PKHD1L1: variants seen among roughly 807,000 people sequenced by gnomAD.
PKHD1L1 encodes the protein PKHD1 like 1, also known as fibrocystin-L.
PKHD1L1 carries 434 observed loss-of-function variants against 462.9 expected under a neutral mutation model. The observed-to-expected ratio is 0.94, with a 90% CI of 0.87 to 1.02. PKHD1L1 has a LOEUF of 1.02. PKHD1L1 is among the 50% of genes least tolerant of loss of function. PKHD1L1 has a pLI of 0.00. For missense variants in PKHD1L1, 5,202 were observed against 5,096.1 expected (o/e 1.02, Z -0.63); for synonymous variants, 1,781 against 1,750.0 (o/e 1.02, Z -0.44).
At chr8:109,366,886 G>T (rs1287709701) in intron 2 of PKHD1L1, among the ~76,000 whole-genome samples, 2 of 151,942 alleles carry the variant, frequency 1.3e-5, no homozygotes, top group African/African-American at 2.4e-5. Flanking sequence ...TAGAGATGGG[G>T]TTTCACTATG....
At position 109,385,636 on chromosome 8, in the gene PKHD1L1, C is replaced by A; in HGVS notation, c.569+6C>A. On this transcript the variant is annotated splice_donor_region_variant and intron_variant, in intron 6 of 77. Transcript: ENST00000378402. ...AAAAATGTTAGGATTTTGAGGTAAT[C>A]TTTTGATGTGGAAATATATTCTTAT... is the stretch of plus-strand genomic sequence containing the variant. 2.0e-6 allele frequency: 3 copies of A among 1,521,100 alleles called. No homozygotes were observed. The highest frequency in any genetic ancestry group is 4.6e-5 in the East Asian group (2 of 43,744). 94.2% of individuals were successfully genotyped at this position (1,521,100 alleles called of 1,614,324 possible). A position where few individuals can be genotyped will look rare whatever the true frequency, so the allele number is the denominator to read the frequency against.
At chr8:109,362,803 T>C (rs1315701590) in intron 1 of PKHD1L1, 150 bp downstream of exon 1, 2 of 771,864 alleles carry the variant, frequency 2.6e-6, no homozygotes, top group Admixed American at 2.3e-5. Flanking sequence ...CCAGGGGAGC[T>C]GGATAGCAGG....
rs766739272 is a variant in PKHD1L1 at position 109,451,076 on chromosome 8, A to C, written c.6277A>C (p.Ile2093Leu). ...GTACGCAGTGTCACTGACTCCACTC[A>C]TCACTGCAGTATCTCCTAAGAGAGG... Reference protein sequence around the residue: ...FTYAVSLTPLITAVSPKRGST... With the variant: ...FTYAVSLTPLLTAVSPKRGST... Residue 2093 changes from isoleucine (I) to leucine (L), a missense_variant, in exon 41 of 78, where the codon ATC (isoleucine) becomes CTC (leucine). Around this residue, in one of 3 missense-constraint regions of PKHD1L1, gnomAD observed 4,497 missense variants for 4,336.8 expected, o/e 1.04. Transcript: ENST00000378402. The C allele has an allele frequency of 3.7e-6, 6 of 1,613,796 alleles. No individual in the cohort carries two copies. The South Asian group carries it at 6.6e-5, about 18-fold the overall frequency.
At chr8:109,364,750 T>G in intron 2 of PKHD1L1, 114 bp downstream of exon 2, 2 of 712,618 alleles carry the variant, frequency 2.8e-6, no homozygotes, top group Non-Finnish European at 4.6e-6. Context: ...AGTTATTTCT[T>G]CACTTGGCCA....
rs767395151 is a variant in PKHD1L1, at chr8:109,464,333, A to T, written c.7501A>T (p.Arg2501Ter). Residue 2501 changes from arginine (R) to a stop codon, truncating the protein, a stop_gained, in exon 49 of 78, where the codon AGA becomes TGA. Transcript: ENST00000378402. LOFTEE classifies it high-confidence loss of function. ...CTGTGCAATTCACCAGGCCTATAAC[A>T]GAGCTGTTACTATTCATAACACACA... ...RGCAIHQAYN[R>*]AVTIHNTHHL... 2.9e-5 allele frequency: 46 copies of T among 1,613,294 alleles called. No homozygotes were observed. Among genetic ancestry groups the T allele is most frequent in the Non-Finnish European group, 3.8e-5 (45 of 1,179,602 alleles).
chr8:109,411,300 A>G (rs1303894648), intron 19 of PKHD1L1, among the ~76,000 whole-genome samples: 1 of 152,156 alleles, frequency 6.6e-6, no homozygotes, highest in Admixed American at 6.5e-5. Context: ...GCTATTTGCT[A>G]TTTCCAAGTG....
intron 76 of PKHD1L1, among the ~76,000 whole-genome samples, chr8:109,524,187 A>C (rs1425798920): frequency 6.6e-6 from 1 of 152,130 alleles, no homozygotes. Flanking sequence ...TGTTTGTCCC[A>C]ACTCAGGGCC....
Position 109,491,868 on chromosome 8 carries a change from A to C in PKHD1L1, c.10115-5A>C. The C allele has an allele frequency of 6.3e-7, 1 of 1,578,276 alleles. No individual in the cohort carries two copies. The highest frequency in any genetic ancestry group is 8.6e-7 in the Non-Finnish European group (1 of 1,158,718). On this transcript the variant is annotated splice_polypyrimidine_tract_variant and splice_region_variant and intron_variant, in intron 61 of 77. Transcript: ENST00000378402. ...TTTTCTTTCTTTTTTTCTTTTTTTA[A>C]ACAGGCATAAGAATATGGGGGAATG... is the stretch of plus-strand genomic sequence containing the variant.
chr8:109,459,082 G>C (rs1016993855), intron 46 of PKHD1L1, among the ~76,000 whole-genome samples: 3 of 152,036 alleles, frequency 2.0e-5, no homozygotes, highest in African/African-American at 7.2e-5. Flanking sequence ...ACTCTCCCTT[G>C]TAAAGGTTCT....
Position 109,444,885 on chromosome 8 carries a change from AG to A in PKHD1L1, c.5018del (p.Gly1673GlufsTer2). On this transcript the variant is annotated frameshift_variant, in exon 38 of 78. Transcript: ENST00000378402. LOFTEE classifies it high-confidence loss of function. ...TGTTGCCAAATGCAGGATCAACTAC[AG>A]GAATGACAAGCGTGACCATAAAAGG... ...LVLPNAGSTT[G>X]MTSVTIKGSG... 6.2e-7 allele frequency: 1 copy of A among 1,614,066 alleles called. No homozygotes were observed. Among genetic ancestry groups the A allele is most frequent in the African/African-American group, 1.3e-5 (1 of 75,072 alleles).
rs1410584461 is a variant in PKHD1L1 at position 109,454,199 on chromosome 8, G to A, written c.6697G>A (p.Glu2233Lys). Residue 2233 changes from glutamate (E) to lysine (K), a missense_variant, in exon 44 of 78, where the codon GAA becomes AAA. Coordinates refer to ENST00000378402, the MANE Select transcript of PKHD1L1 (RefSeq NM_177531.6). ...TCTAATATTTGATGAAGCTGACATT[G>A]AACTCCAGGCAGAAAATATTCTAAT... Reference protein sequence around the residue: ...GTLIFDEADIELQAENILITD... With the variant: ...GTLIFDEADIKLQAENILITD... The A allele has an allele frequency of 6.2e-7, 1 of 1,608,380 alleles. No individual in the cohort carries two copies. Among genetic ancestry groups the A allele is most frequent in the South Asian group, 1.1e-5 (1 of 89,658 alleles).
At chr8:109,410,752 C>T (rs1199331636) in intron 19 of PKHD1L1, among the ~76,000 whole-genome samples, 4 of 40,376 alleles carry the variant, frequency 9.9e-5, no homozygotes, top group East Asian at 1.0e-3. Flanking sequence ...TTTTTTGAGA[C>T]GGAGTCTCAC....
At chr8:109,387,623 G>A (rs1023467950) in intron 6 of PKHD1L1, among the ~76,000 whole-genome samples, 1 of 152,172 alleles carries the variant, frequency 6.6e-6, no homozygotes, top group African/African-American at 2.4e-5. Flanking sequence ...AAGGCAGGAG[G>A]TTAGGAGAAT....
chr8:109,511,544 A>C (rs1314869316), intron 71 of PKHD1L1, among the ~76,000 whole-genome samples: 1 of 151,772 alleles, frequency 6.6e-6, no homozygotes, highest in Non-Finnish European at 1.5e-5. Flanking sequence ...TTATGGCTGC[A>C]TAGTATTCCA....
chr8:109,440,806 G>T lies in PKHD1L1; in HGVS notation c.4053G>T (p.Arg1351Ser). The T allele has an allele frequency of 6.2e-7, 1 of 1,613,012 alleles. No individual in the cohort carries two copies. ...TTGGTGGAACTGAAATCACCATAAGGGGTTTTGGATTCAGCACAATACCAG... is the reference window on the plus strand; with the variant it reads ...TTGGTGGAACTGAAATCACCATAAGTGGTTTTGGATTCAGCACAATACCAG... ...SLFGGTEITI[R>S]GFGFSTIPAE... Residue 1351 changes from arginine to serine, a missense_variant, in exon 33 of 78, where the codon AGG becomes AGT. Around this residue, in one of 3 missense-constraint regions of PKHD1L1, gnomAD observed 4,497 missense variants for 4,336.8 expected, o/e 1.04. Coordinates refer to ENST00000378402, the MANE Select transcript of PKHD1L1 (RefSeq NM_177531.6).
rs367804009 is a variant in PKHD1L1, at chr8:109,412,424, A to G, written c.2235+10A>G. ...GTTTCCTTATAATCAGGTAAGCTCA[A>G]CAAAATGATATGCTAATTGAATCTG... On this transcript the variant is annotated intron_variant, in intron 20 of 77. Coordinates refer to ENST00000378402, the MANE Select transcript of PKHD1L1 (RefSeq NM_177531.6). 56 of 1,591,684 alleles carry G rather than the reference A, an allele frequency of 3.5e-5. No individual in the cohort carries two copies. Among genetic ancestry groups the G allele is most frequent in the Non-Finnish European group, 4.5e-5 (53 of 1,168,188 alleles).
chr8:109,396,076 G>A lies in PKHD1L1; in HGVS notation c.861G>A (p.Thr287=), dbSNP rs372636340. The A allele has an allele frequency of 6.3e-5, 101 of 1,608,954 alleles. No individual in the cohort carries two copies. Among genetic ancestry groups the A allele is most frequent in the Middle Eastern group, 1.6e-4 (1 of 6,078 alleles). ...AAGGAAGCATTCGAGGTGGCACCAC[G>A]CTGACAATAAGTGGGCGTTTCTTTG... ...PSQGSIRGGT[T]LTISGRFFDQ... Residue 287 remains threonine (T), a synonymous_variant, in exon 11 of 78, where the codon ACG becomes ACA. Coordinates refer to ENST00000378402, the MANE Select transcript of PKHD1L1 (RefSeq NM_177531.6).
At chr8:109,493,797 T>C (rs1352349424) in intron 63 of PKHD1L1, 46 bp downstream of exon 63, 1 of 1,274,534 alleles carries the variant, frequency 7.8e-7, no homozygotes, top group African/African-American at 1.5e-5. Flanking sequence ...AAATAACTTG[T>C]ACAAAATTGT....
At chr8:109,514,313 T>C (rs748313655) in intron 71 of PKHD1L1, among the ~76,000 whole-genome samples, 1 of 152,186 alleles carries the variant, frequency 6.6e-6, no homozygotes, top group African/African-American at 2.4e-5. Context: ...TTTTTTCTTT[T>C]CTCCACAGGA....
Sources: gnomAD v4.1 joint callset for allele counts (sites outside exome capture counted in the v4.1 genomes callset) on GRCh38, gnomAD v4.1.1 for gene constraint, gnomAD v4.1.1 regional missense constraint, MANE v1.5 for transcripts, NCBI Gene and HGNC (gene_info 2026-07-23, HGNC 2026-07-21) for gene names.